PRDM11: variants seen among roughly 807,000 people sequenced by gnomAD.
PRDM11 encodes PR domain-containing protein 11.
In PRDM11, 20 loss-of-function variants were observed where a neutral mutation model predicts 97.8. That is an observed-to-expected ratio of 0.20 (90% confidence interval 0.14 to 0.30). The LOEUF is 0.30. PRDM11 is among the 10% of genes least tolerant of loss of function. PRDM11 has a pLI of 1.00. For missense variants in PRDM11, 1,139 were observed against 1,555.2 expected (o/e 0.73, Z 4.50); for synonymous variants, 599 against 637.7 (o/e 0.94, Z 0.91).
chr11:45,219,584 C>T lies in PRDM11; in HGVS notation c.569C>T (p.Ser190Phe). The change falls in exon 6 of 8, where the codon TCC becomes TTC. Residue 190 changes from serine to phenylalanine, a missense_variant. Ser to Phe is a radical substitution (Grantham distance 155). Coordinates refer to ENST00000683152, the MANE Select transcript of PRDM11 (RefSeq NM_001384648.1). The surrounding 1 kb of genome is among the most constrained non-coding windows in gnomAD (Gnocchi z 4.2). ...KANWMRYVVISREEREQNLLA... is the reference protein window; with the variant it reads ...KANWMRYVVIFREEREQNLLA... ...CTCCCCACCAGGTACGTGGTCATCTCCCGGGAGGAGAGGGAGCAGAACCTG... is the reference window on the plus strand; with the variant it reads ...CTCCCCACCAGGTACGTGGTCATCTTCCGGGAGGAGAGGGAGCAGAACCTG... 6.2e-7 allele frequency: 1 copy of T among 1,613,850 alleles called. No homozygotes were observed. The highest frequency in any genetic ancestry group is 8.5e-7 in the Non-Finnish European group (1 of 1,179,822).
chr11:45,176,147 G>A (rs1385419089), intron 1 of PRDM11, among the ~76,000 whole-genome samples: 3 of 152,230 alleles, frequency 2.0e-5, no homozygotes, highest in South Asian at 4.1e-4. Flanking sequence ...GGATCCCAGG[G>A]CAGATCACCT....
At chr11:45,178,533 A>G (rs1362260395) in intron 1 of PRDM11, among the ~76,000 whole-genome samples, 1 of 152,232 alleles carries the variant, frequency 6.6e-6, no homozygotes, top group Non-Finnish European at 1.5e-5. Context: ...AGAGAGCTCC[A>G]TAGGGAATCA....
At chr11:45,181,586 C>T (rs1852502131) in intron 1 of PRDM11, among the ~76,000 whole-genome samples, 175 bp from the exon 2 acceptor site, 1 of 152,198 alleles carries the variant, frequency 6.6e-6, no homozygotes, top group South Asian at 2.1e-4. Flanking sequence ...ACGGCATTTC[C>T]TCTTGGCCGG....
intron 2 of PRDM11, 75 bp from the exon 3 acceptor site, chr11:45,182,171 C>T (rs2135737051): frequency 7.4e-7 from 1 of 1,357,026 alleles, no homozygotes; most frequent in Admixed American, 1.9e-5. Flanking sequence ...GGCCAGGTCC[C>T]CAGCTTTTGT....
upstream of PRDM11, among the ~76,000 whole-genome samples, chr11:45,145,281 A>G (rs1406753326): frequency 6.6e-6 from 1 of 152,220 alleles, no homozygotes; most frequent in Admixed American, 6.5e-5. Context: ...GATTCCAAGA[A>G]GCTGTGTTTG....
At chr11:45,146,999 C>A (rs1379407770) in intron 1 of PRDM11, 122 bp downstream of exon 1, 24 of 142,108 alleles carry the variant, frequency 1.7e-4, no homozygotes, top group Non-Finnish European at 3.0e-4. Flanking sequence ...GGGGCGGGGG[C>A]GGCCGGGGGT....
intron 1 of PRDM11, among the ~76,000 whole-genome samples, chr11:45,119,694 C>T (rs1349202337): frequency 2.0e-5 from 3 of 147,866 alleles, no homozygotes; most frequent in Admixed American, 2.0e-4. Flanking sequence ...GTACCAGTGG[C>T]GGACTGAGTC....
At chr11:45,213,315 G>A in intron 5 of PRDM11, 1 of 456,148 alleles carries the variant, frequency 2.2e-6, no homozygotes, top group Non-Finnish European at 4.4e-6. Flanking sequence ...CTCTTGGTCT[G>A]TGTCCCGTGG....
At chr11:45,212,113 C>T (rs1257070779) in intron 5 of PRDM11, among the ~76,000 whole-genome samples, 1 of 152,164 alleles carries the variant, frequency 6.6e-6, no homozygotes, top group African/African-American at 2.4e-5. Context: ...ACAGGGCAGT[C>T]GTTATCATTG....
intron 5 of PRDM11, 96 bp downstream of exon 5, chr11:45,204,874 G>A: frequency 7.7e-7 from 1 of 1,294,482 alleles, no homozygotes; most frequent in Non-Finnish European, 1.1e-6. Flanking sequence ...CAGTGGTGGA[G>A]ACTTCTGGAG....
intron 1 of PRDM11, among the ~76,000 whole-genome samples, chr11:45,132,914 T>C (rs1462194209): frequency 6.6e-6 from 1 of 152,210 alleles, no homozygotes; most frequent in African/African-American, 2.4e-5. Context: ...AAAATACTGA[T>C]GGCTCAGCCA....
At chr11:45,204,415 G>C (rs1473576645) in intron 4 of PRDM11, among the ~76,000 whole-genome samples, 1 of 152,228 alleles carries the variant, frequency 6.6e-6, no homozygotes, top group Non-Finnish European at 1.5e-5. Flanking sequence ...CAAGACAGAG[G>C]AGGGAGATGG....
At position 45,224,850 on chromosome 11, in the gene PRDM11, T is replaced by G. The variant is rs1282152087; in HGVS notation, c.1369+7T>G. On this transcript the variant is annotated splice_region_variant and intron_variant, in intron 7 of 7. Coordinates refer to ENST00000683152, the MANE Select transcript of PRDM11 (RefSeq NM_001384648.1). ...GAGTTCTCGGACCCTGCAGGTAAGT[T>G]GGTTTGGATGAGATTATTGTCGGAG... 6.2e-7 allele frequency: 1 copy of G among 1,612,962 alleles called. No individual in the cohort carries two copies. Among genetic ancestry groups the G allele is most frequent in the Non-Finnish European group, 8.5e-7 (1 of 1,179,984 alleles).
rs144856896 is a variant in PRDM11, at chr11:45,152,207, C to T, written c.-7+5330C>T. ...CTCAGCCCCCGAGTAGCTGGGACTACAGGCACATACCACCACACTTGGCTA... is the reference window on the plus strand; with the variant it reads ...CTCAGCCCCCGAGTAGCTGGGACTATAGGCACATACCACCACACTTGGCTA... On this transcript the variant is annotated intron_variant, in intron 1 of 7. Transcript: ENST00000683152. Among the ~76,000 whole-genome samples the T allele has an allele frequency of 5.3e-3, 804 of 152,282 alleles. 5 individuals are homozygous for T. The highest frequency in any genetic ancestry group is 0.014 in the Middle Eastern group (4 of 294).
intron 1 of PRDM11, among the ~76,000 whole-genome samples, chr11:45,100,241 G>A (rs1386738444): frequency 2.6e-5 from 4 of 152,092 alleles, no homozygotes; most frequent in Non-Finnish European, 4.4e-5. Flanking sequence ...ATACTGATTC[G>A]CTAATTGTCC....
intron 1 of PRDM11, among the ~76,000 whole-genome samples, chr11:45,112,566 G>A (rs1033440949): frequency 6.6e-6 from 1 of 152,178 alleles, no homozygotes; most frequent in African/African-American, 2.4e-5. Context: ...CAACATAAAC[G>A]TGTTCCCTTT....
intron 1 of PRDM11, among the ~76,000 whole-genome samples, chr11:45,147,899 G>A (rs1851561802): frequency 6.6e-6 from 1 of 152,208 alleles, no homozygotes. Flanking sequence ...GTGGGGCCAG[G>A]AGGCAATGAT....
At chr11:45,184,660 T>C (rs1852638717) in intron 4 of PRDM11, among the ~76,000 whole-genome samples, 1 of 147,978 alleles carries the variant, frequency 6.8e-6, no homozygotes, top group Admixed American at 6.7e-5. Context: ...TGGAGGAGGC[T>C]GGAAGGGGAC....
chr11:45,112,049 C>T (rs1403049460), intron 1 of PRDM11, among the ~76,000 whole-genome samples: 2 of 152,044 alleles, frequency 1.3e-5, no homozygotes, highest in Non-Finnish European at 2.9e-5. Flanking sequence ...CACCGGTCAC[C>T]CAAGCAGTGT....
Sources: allele counts gnomAD v4.1 joint callset (sites outside exome capture counted in the v4.1 genomes callset), GRCh38; gene constraint gnomAD v4.1.1; non-coding constraint Gnocchi (gnomAD v3.1); transcripts MANE v1.5; gene names NCBI Gene and HGNC (gene_info 2026-07-23, HGNC 2026-07-21).